The following SGCZ variants were observed in gnomAD, a reference collection of about 807,000 sequenced individuals.
The protein encoded by SGCZ is sarcoglycan zeta.
Under a neutral mutation model 41.3 loss-of-function variants are expected in SGCZ, and 40 were observed. The ratio of observed to expected loss-of-function variants is 0.97; its 90% CI spans 0.75 to 1.26. SGCZ has a LOEUF of 1.26. Ranked by LOEUF, SGCZ falls within the 50% of genes most tolerant of loss-of-function variation. SGCZ has a pLI of 0.00. For synonymous variants in SGCZ, 206 were observed against 137.5 expected, an observed-to-expected ratio of 1.50 and a Z score of -3.49; for missense variants, 552 against 369.8, an observed-to-expected ratio of 1.49 and a Z score of -4.04.
At chr8:14,094,144 A>T (rs1240669793) in intron 7 of SGCZ, among the ~76,000 whole-genome samples, 1 of 151,990 alleles carries the variant, frequency 6.6e-6, no homozygotes, top group Non-Finnish European at 1.5e-5. Context: ...TTTTTTTAAA[A>T]AGATTTTTTT....
intron 1 of SGCZ, among the ~76,000 whole-genome samples, chr8:14,579,147 G>A (rs1256172083): frequency 2.0e-5 from 3 of 151,902 alleles, no homozygotes; most frequent in Non-Finnish European, 1.5e-5. Context: ...GAGATCTTAG[G>A]CCCATTTCTC....
intron 2 of SGCZ, among the ~76,000 whole-genome samples, chr8:14,409,165 A>T (rs1255003183): frequency 6.6e-6 from 1 of 152,014 alleles, no homozygotes; most frequent in African/African-American, 2.4e-5. Context: ...TCAATTAGTC[A>T]CTCATTTATA....
Position 14,913,671 on chromosome 8 carries a change from C to G in SGCZ, c.39+323914G>C, listed in dbSNP as rs545105900. On this transcript the variant is annotated intron_variant, in intron 1 of 7. Transcript: ENST00000382080. ...CCTTAGAAAAATCTATTTTATGCAA[C>G]TGTTATTTTAAATTATGTGTGGGAT... Among the ~76,000 whole-genome samples the G allele has an allele frequency of 2.6e-5, 4 of 151,988 alleles. No individual in the cohort carries two copies. The East Asian group carries it at 7.7e-4, about 29-fold the overall frequency.
chr8:14,207,876 G>C (rs1805669287), intron 4 of SGCZ, among the ~76,000 whole-genome samples: 1 of 151,584 alleles, frequency 6.6e-6, no homozygotes, highest in Non-Finnish European at 1.5e-5. Context: ...GGGTAGATCT[G>C]ATCATATGGC....
At chr8:14,656,970 A>G (rs1208711516) in intron 1 of SGCZ, among the ~76,000 whole-genome samples, 1 of 152,016 alleles carries the variant, frequency 6.6e-6, no homozygotes, top group Non-Finnish European at 1.5e-5. Context: ...AAGACATATA[A>G]ACTCTATTAT....
At chr8:14,733,830 A>G (rs898749975) in intron 1 of SGCZ, among the ~76,000 whole-genome samples, 1 of 152,182 alleles carries the variant, frequency 6.6e-6, no homozygotes, top group Non-Finnish European at 1.5e-5. Flanking sequence ...AATAGAATAA[A>G]TCCTAAGCAA....
chr8:14,286,759 A>G (rs979522469), intron 3 of SGCZ, among the ~76,000 whole-genome samples: 11 of 152,272 alleles, frequency 7.2e-5, no homozygotes, highest in African/African-American at 2.6e-4. Flanking sequence ...CCAGAAATCA[A>G]TCTGTTACAC....
chr8:14,535,926 T>C (rs1057027762), intron 2 of SGCZ, among the ~76,000 whole-genome samples: 11 of 151,860 alleles, frequency 7.2e-5, no homozygotes, highest in African/African-American at 2.7e-4. Flanking sequence ...GGGAACTCTA[T>C]ACTATTTTAC....
At chr8:14,451,590 G>C (rs7830888) in intron 2 of SGCZ, among the ~76,000 whole-genome samples, 71,056 of 151,966 alleles carry the variant, frequency 0.47, 17,322 homozygotes, top group African/African-American at 0.59. Flanking sequence ...GCAAAAGACA[G>C]ATCTGATAAA....
At chr8:15,132,496 G>T (rs1436008235) in intron 1 of SGCZ, among the ~76,000 whole-genome samples, 4 of 152,100 alleles carry the variant, frequency 2.6e-5, no homozygotes, top group African/African-American at 9.7e-5. Context: ...ACCAGTGGAA[G>T]GTTTACATGA....
At chr8:14,274,929 G>C (rs1800177600) in intron 3 of SGCZ, among the ~76,000 whole-genome samples, 1 of 152,034 alleles carries the variant, frequency 6.6e-6, no homozygotes, top group East Asian at 1.9e-4. Context: ...ATAGAGTTTT[G>C]GCAAACTCAC....
chr8:14,103,707 G>C (rs771503728), intron 6 of SGCZ, among the ~76,000 whole-genome samples: 19 of 151,986 alleles, frequency 1.3e-4, no homozygotes, highest in Non-Finnish European at 1.6e-4. Flanking sequence ...GGGCCATTTG[G>C]AGATCTAGCT....
chr8:14,182,545 C>T (rs1464736185), intron 4 of SGCZ, among the ~76,000 whole-genome samples: 1 of 152,162 alleles, frequency 6.6e-6, no homozygotes, highest in East Asian at 1.9e-4. Flanking sequence ...TTGGTCTCTG[C>T]TCCTTCTCAA....
At chr8:14,584,713 T>C (rs1002735458) in intron 1 of SGCZ, among the ~76,000 whole-genome samples, 2 of 152,008 alleles carry the variant, frequency 1.3e-5, no homozygotes, top group African/African-American at 4.8e-5. Context: ...TAGAATATAG[T>C]AGAATTCCAT....
chr8:14,398,416 CT>C (rs140549683), intron 2 of SGCZ, among the ~76,000 whole-genome samples: 6,819 of 152,202 alleles, frequency 0.045, 495 homozygotes, highest in African/African-American at 0.15. Context: ...GTTCTTTTCA[CT>C]TTTGTCACTA....
At chr8:14,460,861 T>C (rs1800882960) in intron 2 of SGCZ, among the ~76,000 whole-genome samples, 1 of 152,198 alleles carries the variant, frequency 6.6e-6, no homozygotes, top group African/African-American at 2.4e-5. Flanking sequence ...TTTATTTTAA[T>C]TATTCCTTAA....
In SGCZ at chr8:14,239,738, T is replaced by A. The variant is rs57398693; in HGVS notation, c.337-2059A>T. Among the ~76,000 whole-genome samples the A allele has an allele frequency of 2.4e-3, 355 of 150,426 alleles. 2 individuals carry two copies. Among genetic ancestry groups the A allele is most frequent in the African/African-American group, 8.2e-3 (337 of 40,922 alleles). ...TAAAACGGTGAAACCCCGTCTCTAC[T>A]AAAAATACAAAAAATTAGCCGGGCG... is the stretch of plus-strand genomic sequence containing the variant. On this transcript the variant is annotated intron_variant, in intron 3 of 7. Coordinates refer to ENST00000382080, the MANE Select transcript of SGCZ (RefSeq NM_139167.4).
intron 2 of SGCZ, among the ~76,000 whole-genome samples, chr8:14,453,596 TG>T (rs1378914043): frequency 6.6e-6 from 1 of 152,110 alleles, no homozygotes; most frequent in African/African-American, 2.4e-5. Flanking sequence ...TGATTGAAGG[TG>T]GTAACAGAAG....
At chr8:14,698,088 C>T (rs926640006) in intron 1 of SGCZ, among the ~76,000 whole-genome samples, 2 of 151,978 alleles carry the variant, frequency 1.3e-5, no homozygotes, top group Non-Finnish European at 2.9e-5. Flanking sequence ...AGGATCCCTT[C>T]GTATTTAATA....
Sources: gnomAD v4.1 joint callset for allele counts (sites outside exome capture counted in the v4.1 genomes callset) on GRCh38, gnomAD v4.1.1 for gene constraint, MANE v1.5 for transcripts, NCBI Gene and HGNC (gene_info 2026-07-23, HGNC 2026-07-21) for gene names.